USP34: variants seen among roughly 807,000 people sequenced by gnomAD.
USP34 encodes ubiquitin specific peptidase 34.
In USP34, 70 loss-of-function variants were observed where a neutral mutation model predicts 460.3. The observed-to-expected ratio is 0.15, with a 90% confidence interval of 0.13 to 0.19. The LOEUF is 0.19. USP34 is among the 10% of genes least tolerant of loss of function. The pLI is 1.00. For synonymous variants in USP34, 1,647 were observed against 1,405.3 expected, an observed-to-expected ratio of 1.17 and a Z score of -3.85; for missense variants, 3,985 against 4,236.2, an observed-to-expected ratio of 0.94 and a Z score of 1.65.
intron 25 of USP34, among the ~76,000 whole-genome samples, chr2:61,312,370 A>G (rs1156363224): frequency 6.6e-6 from 1 of 152,158 alleles, no homozygotes; most frequent in Non-Finnish European, 1.5e-5. Context: ...TTGAGAGTCA[A>G]TTCATGGCTG....
At chr2:61,276,722 T>A (rs943215461) in intron 41 of USP34, among the ~76,000 whole-genome samples, 4 of 152,194 alleles carry the variant, frequency 2.6e-5, no homozygotes, top group Non-Finnish European at 4.4e-5. Context: ...GCTGTAAATC[T>A]ATCAAATCAT....
rs753653357 is a variant in USP34, at chr2:61,380,129, CAAAT to C, written c.1014+36_1014+39del. On this transcript the variant is annotated intron_variant, in intron 7 of 79. Coordinates refer to ENST00000398571, the MANE Select transcript of USP34 (RefSeq NM_014709.4). ...GGTAGTATTATGATAGACCAGAAAA[CAAAT>C]AAACGATGACCAAAAATAAAACAAA... is the stretch of plus-strand genomic sequence containing the variant. 7 of 1,575,254 alleles carry C rather than the reference CAAAT, an allele frequency of 4.4e-6. No homozygotes were observed. The Admixed American group carries it at 7.0e-5, about 16-fold the overall frequency.
intron 29 of USP34, among the ~76,000 whole-genome samples, chr2:61,298,270 C>T (rs150408746): frequency 0.012 from 1,848 of 148,326 alleles, 46 homozygotes; most frequent in African/African-American, 0.044. Flanking sequence ...ACCTGTAATC[C>T]TAGCACTTTG....
intron 1 of USP34, among the ~76,000 whole-genome samples, chr2:61,454,890 G>A (rs867231863): frequency 5.1e-5 from 4 of 78,402 alleles, no homozygotes; most frequent in Middle Eastern, 8.9e-3. Context: ...TTTTTTGGTT[G>A]TTTATTTGAG....
intron 1 of USP34, among the ~76,000 whole-genome samples, chr2:61,453,780 TG>T (rs2104074551): frequency 6.6e-6 from 1 of 151,168 alleles, no homozygotes; most frequent in South Asian, 2.1e-4. Flanking sequence ...CATCTTGACC[TG>T]GGACATGACC....
intron 27 of USP34, among the ~76,000 whole-genome samples, chr2:61,305,144 T>C (rs529667938): frequency 6.6e-6 from 1 of 152,190 alleles, no homozygotes; most frequent in African/African-American, 2.4e-5. Context: ...GCCAATATGA[T>C]GAAACCCTGT....
chr2:61,458,791 G>A (rs1381455814), intron 1 of USP34, among the ~76,000 whole-genome samples: 2 of 151,976 alleles, frequency 1.3e-5, no homozygotes, highest in African/African-American at 2.4e-5. Flanking sequence ...ATCTTGGCGG[G>A]GCACAGTGGC....
chr2:61,467,605 G>C (rs1008268366), intron 1 of USP34, among the ~76,000 whole-genome samples: 2 of 147,346 alleles, frequency 1.4e-5, no homozygotes, highest in African/African-American at 5.0e-5. Context: ...ATTTTGGGAG[G>C]ACTGTAACTT....
At position 61,223,277 on chromosome 2, in the gene USP34, T is replaced by C. The variant is rs1558474653; in HGVS notation, c.7615A>G (p.Thr2539Ala). The change falls in exon 63 of 80, where the codon ACT becomes GCT. Residue 2539 changes from threonine to alanine, a missense_variant. Transcript: ENST00000398571. ...RSERHLTLSQTDMAALTGGKG... is the reference protein window; with the variant it reads ...RSERHLTLSQADMAALTGGKG... ...CCTCCTGTTAATGCTGCCATGTCAG[T>C]CTGTGATAATGTCAAATGCCTGAAA... 6.2e-7 allele frequency: 1 copy of C among 1,613,962 alleles called. No homozygotes were observed.
intron 20 of USP34, among the ~76,000 whole-genome samples, chr2:61,330,384 G>C (rs1003350179): frequency 3.3e-5 from 5 of 152,164 alleles, no homozygotes; most frequent in African/African-American, 1.2e-4. Context: ...TTAGGCAAGT[G>C]GGAGGATAGC....
intron 15 of USP34, among the ~76,000 whole-genome samples, chr2:61,344,636 T>C (rs1691707855): frequency 6.6e-6 from 1 of 152,164 alleles, no homozygotes; most frequent in Non-Finnish European, 1.5e-5. Flanking sequence ...TCATTAGGTC[T>C]TGTGAGGTAT....
chr2:61,200,401 T>G (rs1686940344), intron 75 of USP34: 1 of 152,264 alleles, frequency 6.6e-6, no homozygotes, highest in East Asian at 1.9e-4. Context: ...CTCACCATCC[T>G]CACTTCAAAA....
chr2:61,406,484 T>C (rs1279687735), intron 2 of USP34, among the ~76,000 whole-genome samples: 1 of 152,160 alleles, frequency 6.6e-6, no homozygotes, highest in Non-Finnish European at 1.5e-5. Context: ...TAACAAAATA[T>C]CTTATTAGTA....
intron 53 of USP34, 141 bp from the exon 54 acceptor site, chr2:61,236,530 T>C (rs993505961): frequency 1.6e-5 from 10 of 630,278 alleles, no homozygotes; most frequent in African/African-American, 1.5e-4. Context: ...TTTTGATTTT[T>C]TCCCAAGTAT....
At chr2:61,254,088 A>G (rs1688658818) in intron 48 of USP34, among the ~76,000 whole-genome samples, 2 of 152,214 alleles carry the variant, frequency 1.3e-5, no homozygotes, top group South Asian at 2.1e-4. Flanking sequence ...GTGTCCCGAC[A>G]ATGTTGCTTC....
intron 65 of USP34, among the ~76,000 whole-genome samples, chr2:61,222,387 G>A (rs140272998): frequency 6.6e-6 from 1 of 151,902 alleles, no homozygotes; most frequent in Non-Finnish European, 1.5e-5. Context: ...CATCCAGGTG[G>A]CACTCTGATA....
At chr2:61,341,131 A>T (rs1253206719) in intron 16 of USP34, among the ~76,000 whole-genome samples, 1 of 152,154 alleles carries the variant, frequency 6.6e-6, no homozygotes, top group Non-Finnish European at 1.5e-5. Flanking sequence ...GCTCAGAATG[A>T]TGTTTTCAAT....
chr2:61,446,950 C>T (rs988873236), intron 1 of USP34, among the ~76,000 whole-genome samples: 22 of 151,980 alleles, frequency 1.4e-4, no homozygotes, highest in African/African-American at 5.3e-4. Context: ...CATTTCATTA[C>T]ACAGCATCAG....
chr2:61,342,982 A>T (rs899797217), intron 16 of USP34, among the ~76,000 whole-genome samples: 4 of 152,222 alleles, frequency 2.6e-5, no homozygotes, highest in Non-Finnish European at 4.4e-5. Context: ...AATAAGTCAA[A>T]GTAACTTAAC....
Sources: allele counts gnomAD v4.1 joint callset (sites outside exome capture counted in the v4.1 genomes callset), GRCh38; gene constraint gnomAD v4.1.1; transcripts MANE v1.5; gene names NCBI Gene and HGNC (gene_info 2026-07-23, HGNC 2026-07-21).